Variants in GALNT13 observed in about 807,000 individuals in gnomAD.
GALNT13 encodes polypeptide N-acetylgalactosaminyltransferase 13, also known as UDP-GalNAc:polypeptide N-acetylgalactosaminyltransferase 13.
GALNT13 carries 28 observed loss-of-function variants against 64.2 expected under a neutral mutation model. The observed-to-expected ratio is 0.44, with a 90% CI of 0.32 to 0.60. GALNT13 has a LOEUF of 0.60. GALNT13 is among the 20% of genes least tolerant of loss of function. The pLI, the probability that GALNT13 is intolerant of heterozygous loss-of-function variation, is 0.05. For missense variants in GALNT13, 577 were observed against 669.8 expected (o/e 0.86, Z 1.53); for synonymous variants, 214 against 224.6 (o/e 0.95, Z 0.42).
the GALNT13 span, among the ~76,000 whole-genome samples, chr2:153,680,184 G>T: frequency 1.1e-4 from 17 of 151,836 alleles, no homozygotes; most frequent in Admixed American, 6.6e-4. Context: ...ATGAAGAAGA[G>T]AAATTTTAAA....
At chr2:153,719,335 T>A in the GALNT13 span, among the ~76,000 whole-genome samples, 1 of 152,218 alleles carries the variant, frequency 6.6e-6, no homozygotes, top group East Asian at 1.9e-4. Context: ...ACAAAGAACA[T>A]TTTCCTGAGG....
chr2:154,437,706 T>A (rs1701054414), intron 11 of GALNT13: 1 of 437,370 alleles, frequency 2.3e-6, no homozygotes, highest in African/African-American at 2.0e-5. Flanking sequence ...ATACAAAACA[T>A]TAGGCCGGCA....
chr2:154,177,165 C>T (rs941857501), intron 4 of GALNT13, among the ~76,000 whole-genome samples: 1 of 152,058 alleles, frequency 6.6e-6, no homozygotes, highest in Middle Eastern at 3.4e-3. Context: ...AAAAAAGAAA[C>T]AGACAAAACA....
chr2:153,750,816 T>C, the GALNT13 span, among the ~76,000 whole-genome samples: 1 of 151,928 alleles, frequency 6.6e-6, no homozygotes, highest in African/African-American at 2.4e-5. Context: ...TTTCATTTAT[T>C]TCCGCTCTGA....
the GALNT13 span, among the ~76,000 whole-genome samples, chr2:153,849,658 T>C: frequency 6.6e-6 from 1 of 152,108 alleles, no homozygotes; most frequent in African/African-American, 2.4e-5. Flanking sequence ...GAGTTCTCTC[T>C]GCATTAGAAC....
At chr2:154,410,977 A>G (rs1343003424) in intron 11 of GALNT13, among the ~76,000 whole-genome samples, 7 of 151,884 alleles carry the variant, frequency 4.6e-5, no homozygotes, top group Admixed American at 1.3e-4. Flanking sequence ...TGGCAGTCCT[A>G]TATCTTACTC....
chr2:154,114,678 C>T (rs536518580), intron 3 of GALNT13, among the ~76,000 whole-genome samples: 10 of 152,224 alleles, frequency 6.6e-5, no homozygotes, highest in Admixed American at 1.3e-4. Context: ...GGCCATGTTT[C>T]TCTGTTTTTA....
intron 1 of GALNT13, among the ~76,000 whole-genome samples, chr2:153,893,348 T>C (rs951788110): frequency 2.0e-5 from 3 of 152,104 alleles, no homozygotes; most frequent in African/African-American, 7.2e-5. Flanking sequence ...AATTAGTTCT[T>C]ACCTATGCAC....
At chr2:154,252,766 GATA>G (rs1690150557) in intron 7 of GALNT13, among the ~76,000 whole-genome samples, 1 of 148,530 alleles carries the variant, frequency 6.7e-6, no homozygotes, top group African/African-American at 2.4e-5. Flanking sequence ...TAGATAGATA[GATA>G]GATAGATAGA....
At chr2:153,551,208 C>T in the GALNT13 span, among the ~76,000 whole-genome samples, 2 of 152,114 alleles carry the variant, frequency 1.3e-5, no homozygotes, top group Admixed American at 1.3e-4. Context: ...GGCTTTTATG[C>T]TTCAGGAAAA....
At chr2:154,384,548 G>A (rs1424871715) in intron 9 of GALNT13, among the ~76,000 whole-genome samples, 1 of 151,700 alleles carries the variant, frequency 6.6e-6, no homozygotes, top group Non-Finnish European at 1.5e-5. Context: ...GAATTACTTT[G>A]TCCCTATTAA....
the GALNT13 span, among the ~76,000 whole-genome samples, chr2:153,582,554 A>C: frequency 6.6e-6 from 1 of 152,238 alleles, no homozygotes; most frequent in Non-Finnish European, 1.5e-5. Flanking sequence ...AATTCAATGA[A>C]AACCTTATTT....
chr2:154,388,207 G>A (rs1698606492), intron 9 of GALNT13, among the ~76,000 whole-genome samples: 1 of 152,150 alleles, frequency 6.6e-6, no homozygotes, highest in African/African-American at 2.4e-5. Context: ...TGGGCCATTT[G>A]AATGTCTTCT....
At chr2:153,837,300 T>A in the GALNT13 span, among the ~76,000 whole-genome samples, 1 of 152,202 alleles carries the variant, frequency 6.6e-6, no homozygotes, top group Non-Finnish European at 1.5e-5. Context: ...GCTGCATAAA[T>A]GTCTTCTTTT....
At chr2:153,513,615 G>A in the GALNT13 span, among the ~76,000 whole-genome samples, 107 of 152,240 alleles carry the variant, frequency 7.0e-4, no homozygotes, top group African/African-American at 2.5e-3. Context: ...AAACACTTCA[G>A]TAATTCCATT....
the GALNT13 span, among the ~76,000 whole-genome samples, chr2:153,857,443 A>G: frequency 3.9e-5 from 6 of 152,214 alleles, no homozygotes; most frequent in Non-Finnish European, 7.4e-5. Flanking sequence ...TCTGTATCAC[A>G]TAATCTAACC....
At chr2:153,893,833 T>G (rs1395978250) in intron 1 of GALNT13, among the ~76,000 whole-genome samples, 1 of 152,064 alleles carries the variant, frequency 6.6e-6, no homozygotes, top group Non-Finnish European at 1.5e-5. Context: ...AACGTGAAAT[T>G]TTGCCTGTAT....
intron 2 of GALNT13, among the ~76,000 whole-genome samples, chr2:153,939,128 A>T (rs907188463): frequency 6.6e-6 from 1 of 152,162 alleles, no homozygotes; most frequent in Non-Finnish European, 1.5e-5. Context: ...GTGGGGTGAG[A>T]AGACAGTGAG....
At chr2:154,364,827 T>A (rs551235486) in intron 9 of GALNT13, among the ~76,000 whole-genome samples, 150 of 152,242 alleles carry the variant, frequency 9.9e-4, no homozygotes, top group African/African-American at 3.6e-3. Context: ...CCTGCCACCA[T>A]ACCTGGCTAA....
Sources: gnomAD v4.1 joint callset for allele counts (sites outside exome capture counted in the v4.1 genomes callset) on GRCh38, gnomAD v4.1.1 for gene constraint, MANE v1.5 for transcripts, NCBI Gene and HGNC (gene_info 2026-07-23, HGNC 2026-07-21) for gene names.